NBAS: variants seen among roughly 807,000 people sequenced by gnomAD.
The protein encoded by NBAS is NBAS subunit of NRZ tethering complex.
In NBAS, 219 loss-of-function variants were observed where a neutral mutation model predicts 302.5. That is an observed-to-expected ratio of 0.72 (90% CI 0.65 to 0.81). NBAS has a LOEUF of 0.81. Among genes scored for constraint, NBAS ranks in the 30% least tolerant of loss-of-function variants. The probability of loss-of-function intolerance (pLI) is 0.00; values close to 1 mark genes in which losing one functional copy is unlikely to be tolerated. For missense variants in NBAS, 2,932 were observed against 2,841.6 expected (o/e 1.03, Z -0.72); for synonymous variants, 1,118 against 1,021.6 (o/e 1.09, Z -1.80).
chr2:15,518,808 G>T (rs533325548), intron 9 of NBAS, among the ~76,000 whole-genome samples: 11 of 152,114 alleles, frequency 7.2e-5, no homozygotes, highest in Non-Finnish European at 1.3e-4. Context: ...GAGGAGCAAG[G>T]CACATCTTAT....
At chr2:15,432,023 T>C (rs1321709508) in intron 21 of NBAS, among the ~76,000 whole-genome samples, 1 of 152,044 alleles carries the variant, frequency 6.6e-6, no homozygotes, top group Non-Finnish European at 1.5e-5. Context: ...TTTCATGGAT[T>C]CGATTCACAA....
At chr2:15,364,152 T>C (rs1342532262) in intron 32 of NBAS, among the ~76,000 whole-genome samples, 1 of 152,170 alleles carries the variant, frequency 6.6e-6, no homozygotes, top group Admixed American at 6.5e-5. Context: ...AATATTCCCC[T>C]TGAAGTTGGC....
At chr2:15,386,250 G>A (rs1443089351) in intron 28 of NBAS, among the ~76,000 whole-genome samples, 1 of 152,156 alleles carries the variant, frequency 6.6e-6, no homozygotes, top group Non-Finnish European at 1.5e-5. Context: ...GGAATTTCTA[G>A]GAAGGAGAAT....
At chr2:15,157,082 TG>T in the NBAS span, among the ~76,000 whole-genome samples, 2 of 152,118 alleles carry the variant, frequency 1.3e-5, no homozygotes, top group Admixed American at 6.6e-5. Flanking sequence ...AGGAGGTCAA[TG>T]GATCCCATAG....
intron 22 of NBAS, among the ~76,000 whole-genome samples, chr2:15,425,110 G>A: frequency 6.6e-6 from 1 of 151,980 alleles, no homozygotes; most frequent in East Asian, 1.9e-4. Flanking sequence ...TGCTGATCAT[G>A]AGGAGTTTTT....
At chr2:15,323,603 G>T (rs1402145985) in intron 38 of NBAS, among the ~76,000 whole-genome samples, 1 of 152,108 alleles carries the variant, frequency 6.6e-6, no homozygotes, top group East Asian at 1.9e-4. Context: ...GGCTGAGATG[G>T]GAAGACTGCC....
the NBAS span, among the ~76,000 whole-genome samples, chr2:14,935,129 A>G: frequency 6.6e-6 from 1 of 152,106 alleles, no homozygotes; most frequent in African/African-American, 2.4e-5. Context: ...TATGTCCTGC[A>G]CCATTTTTGT....
chr2:15,555,871 C>A (rs918544179), intron 3 of NBAS, among the ~76,000 whole-genome samples: 3 of 152,254 alleles, frequency 2.0e-5, no homozygotes, highest in Non-Finnish European at 2.9e-5. Context: ...TATCAAGCAG[C>A]AACCTGAACA....
At chr2:15,486,377 A>AATCAAGT (rs1418382742) in intron 12 of NBAS, among the ~76,000 whole-genome samples, 1 of 152,184 alleles carries the variant, frequency 6.6e-6, no homozygotes, top group Non-Finnish European at 1.5e-5. Context: ...CTAGCTTGAG[A>AATCAAGT]ATCAAGTTGC....
chr2:15,441,264 G>A (rs1431087941), intron 21 of NBAS, among the ~76,000 whole-genome samples: 6 of 151,978 alleles, frequency 3.9e-5, no homozygotes, highest in East Asian at 1.9e-4. Context: ...GAGAAAGGTC[G>A]GGTTACCCAC....
At chr2:15,250,745 A>G (rs988538469) in intron 44 of NBAS, among the ~76,000 whole-genome samples, 1 of 152,254 alleles carries the variant, frequency 6.6e-6, no homozygotes, top group East Asian at 1.9e-4. Context: ...AATGCAAATC[A>G]AAACCACAAT....
intron 35 of NBAS, among the ~76,000 whole-genome samples, chr2:15,346,846 T>C (rs1673114813): frequency 6.6e-6 from 1 of 152,212 alleles, no homozygotes; most frequent in African/African-American, 2.4e-5. Context: ...ATCATGACCT[T>C]TGCAGGGACA....
chr2:15,378,819 G>A (rs912278894), intron 30 of NBAS, among the ~76,000 whole-genome samples: 4 of 152,146 alleles, frequency 2.6e-5, no homozygotes, highest in Non-Finnish European at 4.4e-5. Flanking sequence ...GTTGGGGACT[G>A]TCTGTAAACC....
the NBAS span, among the ~76,000 whole-genome samples, chr2:15,023,026 T>C: frequency 6.6e-6 from 1 of 152,076 alleles, no homozygotes; most frequent in African/African-American, 2.4e-5. Flanking sequence ...TCCATCTTAA[T>C]AAGCTATATT....
intron 8 of NBAS, among the ~76,000 whole-genome samples, chr2:15,535,516 C>T (rs931569821): frequency 1.7e-5 from 2 of 118,372 alleles, no homozygotes; most frequent in African/African-American, 1.0e-4. Context: ...AGCAAGACTC[C>T]GTCTCAGAAA....
chr2:15,181,032 G>C (rs903030300), intron 50 of NBAS, among the ~76,000 whole-genome samples: 14 of 152,262 alleles, frequency 9.2e-5, no homozygotes, highest in African/African-American at 3.4e-4. Flanking sequence ...CTTTTATCTT[G>C]TATTATGGTA....
chr2:14,970,459 A>G, the NBAS span, among the ~76,000 whole-genome samples: 3 of 152,222 alleles, frequency 2.0e-5, no homozygotes, highest in Non-Finnish European at 4.4e-5. Context: ...TAATAACAGC[A>G]CCTAACATAT....
chr2:15,071,435 C>T, the NBAS span, among the ~76,000 whole-genome samples: 12 of 152,050 alleles, frequency 7.9e-5, no homozygotes, highest in African/African-American at 2.4e-4. Context: ...ACCAGCCCGG[C>T]CAATACGGTG....
At chr2:15,222,775 C>G (rs1667003063) in intron 47 of NBAS, among the ~76,000 whole-genome samples, 1 of 152,170 alleles carries the variant, frequency 6.6e-6, no homozygotes, top group African/African-American at 2.4e-5. Flanking sequence ...CTATGCAATG[C>G]TACTGAACCA....
Sources: gnomAD v4.1 joint callset for allele counts (sites outside exome capture counted in the v4.1 genomes callset) on GRCh38, gnomAD v4.1.1 for gene constraint, MANE v1.5 for transcripts, NCBI Gene and HGNC (gene_info 2026-07-23, HGNC 2026-07-21) for gene names.